The following B3GALT1 variants were observed in gnomAD, a reference collection of about 807,000 sequenced individuals.
The protein encoded by B3GALT1 is UDP-Gal:betaGlcNAc beta 1,3-galactosyltransferase, polypeptide 1.
In B3GALT1, 10 loss-of-function variants were observed where a neutral mutation model predicts 23.2. The ratio of observed to expected loss-of-function variants is 0.43; its 90% CI spans 0.27 to 0.73. The LOEUF (loss-of-function observed/expected upper bound fraction) is 0.73. B3GALT1 is among the 30% of genes least tolerant of loss of function. The pLI is 0.21. For missense variants in B3GALT1, 299 were observed against 405.4 expected (o/e 0.74, Z 2.25); for synonymous variants, 156 against 141.5 (o/e 1.10, Z -0.73).
At chr2:167,326,502 T>G (rs996072662) in intron 1 of B3GALT1, among the ~76,000 whole-genome samples, 11 of 151,534 alleles carry the variant, frequency 7.3e-5, no homozygotes, top group Admixed American at 3.3e-4. Flanking sequence ...GATAAAATCC[T>G]TACCTAGACC....
At chr2:167,309,388 C>T (rs773771348) in intron 1 of B3GALT1, among the ~76,000 whole-genome samples, 4 of 151,938 alleles carry the variant, frequency 2.6e-5, no homozygotes, top group African/African-American at 4.8e-5. Context: ...AGATAATATA[C>T]AAAAGATAGA....
intron 4 of B3GALT1, among the ~76,000 whole-genome samples, chr2:167,827,788 T>C (rs1235385808): frequency 6.6e-6 from 1 of 151,920 alleles, no homozygotes; most frequent in East Asian, 1.9e-4. Flanking sequence ...GCACCAAGAG[T>C]GGTTTGTTGG....
chr2:167,761,162 C>A (rs1687894223), intron 3 of B3GALT1, among the ~76,000 whole-genome samples: 1 of 152,198 alleles, frequency 6.6e-6, no homozygotes, highest in Non-Finnish European at 1.5e-5. Flanking sequence ...AGCCTGTTAT[C>A]AGCACCCTTT....
intron 2 of B3GALT1, among the ~76,000 whole-genome samples, chr2:167,526,913 CTA>C (rs35798915): frequency 0.028 from 4,199 of 152,144 alleles, 157 homozygotes; most frequent in East Asian, 0.11. Context: ...AGAATTTTTT[CTA>C]TGACTACGTA....
In B3GALT1 at chr2:167,390,804, A is replaced by ATGAT. The variant is rs571350506; in HGVS notation, c.-511+97473_-511+97474insTTGA. Among the ~76,000 whole-genome samples the ATGAT allele has an allele frequency of 5.3e-5, 8 of 152,102 alleles. No individual in the cohort carries two copies. In the South Asian group the frequency reaches 1.7e-3, roughly 32 times the overall value. ...ATTTAGTAAATATCTGAATGAATGA[A>ATGAT]TGAATGAATGAGTCAATCAAATTAC... is the stretch of plus-strand genomic sequence containing the variant. On this transcript the variant is annotated intron_variant, in intron 1 of 4. Transcript: ENST00000392690.
At chr2:167,663,593 C>T (rs1686112974) in intron 3 of B3GALT1, among the ~76,000 whole-genome samples, 1 of 148,300 alleles carries the variant, frequency 6.7e-6, no homozygotes, top group South Asian at 2.2e-4. Context: ...TAAAAGTGTT[C>T]CTATTTCTCC....
intron 3 of B3GALT1, among the ~76,000 whole-genome samples, chr2:167,810,846 T>C (rs1374827562): frequency 1.3e-5 from 2 of 152,178 alleles, no homozygotes; most frequent in African/African-American, 4.8e-5. Context: ...CTCCTATCTG[T>C]CCTGTTAAAA....
chr2:167,375,405 C>T (rs946175933), intron 1 of B3GALT1, among the ~76,000 whole-genome samples: 10 of 151,972 alleles, frequency 6.6e-5, no homozygotes, highest in Admixed American at 1.3e-4. Context: ...ATAGGAATAG[C>T]GTTGAATCTA....
At chr2:167,480,007 T>A (rs60039058) in intron 1 of B3GALT1, among the ~76,000 whole-genome samples, 5 of 152,192 alleles carry the variant, frequency 3.3e-5, no homozygotes, top group African/African-American at 1.2e-4. Flanking sequence ...GGATTGTGTC[T>A]GGATGGGGTC....
chr2:167,519,858 G>C (rs1295003207), intron 2 of B3GALT1, among the ~76,000 whole-genome samples: 1 of 151,980 alleles, frequency 6.6e-6, no homozygotes, highest in East Asian at 1.9e-4. Context: ...GATCACTTAA[G>C]GTTAAGAGTT....
In B3GALT1 at chr2:167,774,472, G is replaced by GTTTTTTTTGTTTGTTTTTTTTTTTTTT. The variant is rs1558974686; in HGVS notation, c.-351-44192_-351-44191insGTTTGTTTTTTTTTTTTTTTTTTTTTT. On this transcript the variant is annotated intron_variant, in intron 3 of 4. Coordinates refer to ENST00000392690, the MANE Select transcript of B3GALT1 (RefSeq NM_020981.4). ...TTCTGTAGTTTTTCTGTGTTTATTG[G>GTTTTTTTTGTTTGTTTTTTTTTTTTTT]TTTTTTTTTTTTGTTTTTTTTTTTG... Among the ~76,000 whole-genome samples, 8 of 111,932 alleles carry GTTTTTTTTGTTTGTTTTTTTTTTTTTT rather than the reference G, an allele frequency of 7.1e-5. 2 individuals are homozygous for GTTTTTTTTGTTTGTTTTTTTTTTTTTT. The highest frequency in any genetic ancestry group is 9.4e-5 in the Admixed American group (1 of 10,682). The allele number at this position is 111,932 out of a possible 152,430, so 73.4% of individuals were successfully genotyped here.
chr2:167,710,391 CTT>C (rs1431957183), intron 3 of B3GALT1, among the ~76,000 whole-genome samples: 1 of 152,140 alleles, frequency 6.6e-6, no homozygotes, highest in Non-Finnish European at 1.5e-5. Context: ...TAATTTAAAA[CTT>C]TTCATTTTAC....
At chr2:167,338,211 C>T (rs1243531166) in intron 1 of B3GALT1, among the ~76,000 whole-genome samples, 2 of 152,152 alleles carry the variant, frequency 1.3e-5, no homozygotes, top group East Asian at 3.8e-4. Context: ...GTACAGCAGT[C>T]ATCAAAAGTG....
At chr2:167,545,179 TGCCCGCCACCACG>T (rs757056749) in intron 2 of B3GALT1, among the ~76,000 whole-genome samples, 1 of 151,354 alleles carries the variant, frequency 6.6e-6, no homozygotes, top group Non-Finnish European at 1.5e-5. Flanking sequence ...GGACTACAGG[TGCCCGCCACCACG>T]CCCGGCTAAT....
intron 2 of B3GALT1, among the ~76,000 whole-genome samples, chr2:167,636,880 A>G (rs151048108): frequency 0.011 from 1,609 of 152,118 alleles, 32 homozygotes; most frequent in African/African-American, 0.037. Context: ...GAAATACCTA[A>G]TGTAGGTGAT....
intron 2 of B3GALT1, among the ~76,000 whole-genome samples, chr2:167,548,685 A>AGGGTGTGTGT (rs1553466241): frequency 6.9e-6 from 1 of 144,706 alleles, no homozygotes; most frequent in East Asian, 2.0e-4. Context: ...CGTGTGTGTG[A>AGGGTGTGTGT]GTGTGTGTGT....
chr2:167,331,266 T>C (rs558241527), intron 1 of B3GALT1, among the ~76,000 whole-genome samples: 9 of 152,304 alleles, frequency 5.9e-5, no homozygotes, highest in African/African-American at 2.2e-4. Context: ...TTGAGCCCCA[T>C]GGCAGCATAT....
At chr2:167,631,605 G>T (rs1039378209) in intron 2 of B3GALT1, 1 of 151,320 alleles carries the variant, frequency 6.6e-6, no homozygotes, top group African/African-American at 2.4e-5. Flanking sequence ...AGTACAGATT[G>T]TTTAAATAGT....
At chr2:167,711,820 T>G (rs900918006) in intron 3 of B3GALT1, among the ~76,000 whole-genome samples, 12 of 152,068 alleles carry the variant, frequency 7.9e-5, no homozygotes, top group African/African-American at 2.9e-4. Context: ...CAAAAAAAAT[T>G]AGCTGGGTGT....
Sources: gnomAD v4.1 joint callset for allele counts (sites outside exome capture counted in the v4.1 genomes callset) on GRCh38, gnomAD v4.1.1 for gene constraint, MANE v1.5 for transcripts, NCBI Gene and HGNC (gene_info 2026-07-23, HGNC 2026-07-21) for gene names.